Variants in DNAJA3 observed in about 807,000 individuals in gnomAD.
The protein encoded by DNAJA3 is DnaJ heat shock protein family (Hsp40) member A3.
A neutral mutation model predicts 54.9 loss-of-function variants in DNAJA3; 29 were observed. The ratio of observed to expected loss-of-function variants is 0.53; its 90% CI spans 0.39 to 0.72. The LOEUF (loss-of-function observed/expected upper bound fraction) is 0.72. Among genes scored for constraint, DNAJA3 ranks in the 30% least tolerant of loss-of-function variants. The pLI, the probability that DNAJA3 is intolerant of heterozygous loss-of-function variation, is 0.00. For missense variants in DNAJA3, 708 were observed against 639.4 expected (o/e 1.11, Z -1.16); for synonymous variants, 302 against 251.4 (o/e 1.20, Z -1.90).
At chr16:4,451,777 A>AG (rs1567335193) in intron 10 of DNAJA3, among the ~76,000 whole-genome samples, 6 of 138,760 alleles carry the variant, frequency 4.3e-5, no homozygotes, top group African/African-American at 1.4e-4. Context: ...AAAAAAAAAA[A>AG]GGGCCTGGCG....
At chr16:4,453,529 C>G (rs2057000857) in intron 10 of DNAJA3, among the ~76,000 whole-genome samples, 5 of 152,004 alleles carry the variant, frequency 3.3e-5, no homozygotes, top group Admixed American at 3.3e-4. Context: ...CGCACTCTGC[C>G]TCTTGGGTTC....
At chr16:4,450,757 G>A (rs1050926329) in intron 10 of DNAJA3, among the ~76,000 whole-genome samples, 1 of 152,200 alleles carries the variant, frequency 6.6e-6, no homozygotes, top group South Asian at 2.1e-4. Context: ...GCAGCTCTGC[G>A]TGTCTCAGAC....
intron 2 of DNAJA3, among the ~76,000 whole-genome samples, chr16:4,436,786 T>C (rs895129156): frequency 1.3e-5 from 2 of 152,180 alleles, no homozygotes; most frequent in Non-Finnish European, 2.9e-5. Flanking sequence ...TCCACCCAGC[T>C]CAGCATCTCA....
chr16:4,433,019 G>A (rs573545625), intron 1 of DNAJA3, among the ~76,000 whole-genome samples: 7 of 152,018 alleles, frequency 4.6e-5, no homozygotes, highest in African/African-American at 9.7e-5. Flanking sequence ...GCAGGCGCCC[G>A]TAGTCCCAGC....
intron 8 of DNAJA3, among the ~76,000 whole-genome samples, 181 bp from the exon 9 acceptor site, chr16:4,448,552 C>T (rs1421246376): frequency 6.6e-6 from 1 of 152,102 alleles, no homozygotes; most frequent in Non-Finnish European, 1.5e-5. Context: ...TCATGTTGGC[C>T]AGGCAGGTCT....
chr16:4,446,048 A>T (rs996906458), intron 7 of DNAJA3, among the ~76,000 whole-genome samples: 5 of 151,300 alleles, frequency 3.3e-5, no homozygotes, highest in Non-Finnish European at 7.4e-5. Context: ...CAGCCTCCTG[A>T]GTAGCTGGGA....
Position 4,450,382 on chromosome 16 carries a change from ACT to A in DNAJA3, c.1242-15_1242-14del, listed in dbSNP as rs747715364. ...TTCCCGGCGGAAGCCTTGGCTGCTG[ACT>A]CTGCTCGGTCCACAGGAGGCTAACG... On this transcript the variant is annotated splice_polypyrimidine_tract_variant and intron_variant, in intron 9 of 11. Transcript: ENST00000262375. 10 of 1,582,946 alleles carry A rather than the reference ACT, an allele frequency of 6.3e-6. No homozygotes were observed. The highest frequency in any genetic ancestry group is 1.8e-5 in the Admixed American group (1 of 55,594).
intron 8 of DNAJA3, chr16:4,448,023 C>CTTTTTTTTTTTTTT (rs71402537): frequency 1.4e-5 from 1 of 72,682 alleles, no homozygotes; most frequent in African/African-American, 5.6e-5. Context: ...AGTGGCAGTT[C>CTTTTTTTTTTTTTT]TTTTTTTTTT....
In DNAJA3 at chr16:4,442,415, G is replaced by A. The variant is rs775930780; in HGVS notation, c.778G>A (p.Gly260Ser). The change falls in exon 5 of 12, where the codon GGC (glycine) becomes AGC (serine). Residue 260 changes from glycine (G) to serine (S), a missense_variant. Transcript: ENST00000262375. Reference sequence around the variant, plus strand: ...GCATTGCCACTACTGTGGCGGCTCCGGCATGGTAAGGCTCTGCCCGAGACT... The same window carrying A: ...GCATTGCCACTACTGTGGCGGCTCCAGCATGGTAAGGCTCTGCCCGAGACT... ...VQHCHYCGGSGMETINTGPFV... is the reference protein window; with the variant it reads ...VQHCHYCGGSSMETINTGPFV... 18 of 1,593,072 alleles carry A rather than the reference G, an allele frequency of 1.1e-5. No homozygotes were observed. The highest frequency in any genetic ancestry group is 2.3e-5 in the East Asian group (1 of 43,818).
At chr16:4,453,545 A>G (rs943243141) in intron 10 of DNAJA3, among the ~76,000 whole-genome samples, 5 of 151,842 alleles carry the variant, frequency 3.3e-5, no homozygotes, top group African/African-American at 7.3e-5. Flanking sequence ...GGTTCAACCA[A>G]TTCTGCCTCA....
At position 4,434,369 on chromosome 16, in the gene DNAJA3, T is replaced by C; in HGVS notation, c.212-15T>C. On this transcript the variant is annotated splice_polypyrimidine_tract_variant and intron_variant, in intron 1 of 11. Transcript: ENST00000262375. The stretch of plus-strand genomic sequence containing the variant: ...AACATTCCCAGAGTGATTTTCTTTG[T>C]TTTTTCCTTTTTAGGAACAAAACAT... 6.2e-7 allele frequency: 1 copy of C among 1,611,000 alleles called. No individual in the cohort carries two copies. The highest frequency in any genetic ancestry group is 8.5e-7 in the Non-Finnish European group (1 of 1,179,516).
At chr16:4,429,150 G>C (rs1348427339) in intron 1 of DNAJA3, among the ~76,000 whole-genome samples, 1 of 151,814 alleles carries the variant, frequency 6.6e-6, no homozygotes, top group Non-Finnish European at 1.5e-5. Flanking sequence ...GCCTCCCAAA[G>C]TGCTGGGATT....
At chr16:4,454,787 G>C in intron 10 of DNAJA3, 24 bp from the exon 11 acceptor site, 1 of 1,580,704 alleles carries the variant, frequency 6.3e-7, no homozygotes. Flanking sequence ...CATGACGCCA[G>C]TTCTTTCTGC....
At chr16:4,437,553 T>A in intron 3 of DNAJA3, 68 bp downstream of exon 3, 2 of 1,307,412 alleles carry the variant, frequency 1.5e-6, no homozygotes, top group Non-Finnish European at 2.2e-6. Context: ...GTTGCATTGC[T>A]ACCTGGGACA....
chr16:4,437,566 C>G, intron 3 of DNAJA3, 81 bp downstream of exon 3: 2 of 1,180,214 alleles, frequency 1.7e-6, no homozygotes, highest in African/African-American at 1.5e-5. Context: ...CTGGGACAGC[C>G]TGGTGTGTCA....
chr16:4,443,220 G>A (rs903455105), intron 6 of DNAJA3, 56 bp downstream of exon 6: 2 of 1,600,744 alleles, frequency 1.2e-6, no homozygotes, highest in Admixed American at 1.7e-5. Flanking sequence ...CAGGGTTGAG[G>A]CTACCACACC....
rs561505736 is a variant in DNAJA3 at position 4,434,630 on chromosome 16, A to G, written c.345+113A>G. The G allele has an allele frequency of 7.9e-6, 10 of 1,264,936 alleles. No individual in the cohort carries two copies. In the East Asian group the frequency reaches 1.2e-4, roughly 15 times the overall value. 78.4% of individuals were successfully genotyped at this position (1,264,936 alleles called of 1,614,324 possible). Reference sequence around the variant, plus strand: ...CCATATGAATAGGTCTCATGAGCTGATAGTATAGAAGGGTGTGATAAAGCT... The same window carrying G: ...CCATATGAATAGGTCTCATGAGCTGGTAGTATAGAAGGGTGTGATAAAGCT... On this transcript the variant is annotated intron_variant, in intron 2 of 11. Coordinates refer to ENST00000262375, the MANE Select transcript of DNAJA3 (RefSeq NM_005147.6).
At chr16:4,434,112 T>C (rs983061922) in intron 1 of DNAJA3, 4 of 388,802 alleles carry the variant, frequency 1.0e-5, no homozygotes, top group South Asian at 3.2e-5. Flanking sequence ...GGTGAGCCCC[T>C]CATAAAACTA....
chr16:4,431,560 C>G (rs1006111606), intron 1 of DNAJA3: 39 of 152,050 alleles, frequency 2.6e-4, no homozygotes, highest in African/African-American at 9.2e-4. Context: ...GAGTAGTCTC[C>G]CAGGCTTCCT....
Sources: allele counts gnomAD v4.1 joint callset (sites outside exome capture counted in the v4.1 genomes callset), GRCh38; gene constraint gnomAD v4.1.1; transcripts MANE v1.5; gene names NCBI Gene and HGNC (gene_info 2026-07-23, HGNC 2026-07-21).